Variants in CACNA1C observed in about 807,000 individuals in gnomAD.
The protein encoded by CACNA1C is voltage-dependent L-type calcium channel subunit alpha-1C.
In CACNA1C, 30 loss-of-function variants were observed where a neutral mutation model predicts 229.0. The observed-to-expected ratio is 0.13, with a 90% CI of 0.10 to 0.18. CACNA1C has a LOEUF of 0.18. Ranked by LOEUF, CACNA1C falls within the 10% of genes least tolerant of loss-of-function variation. The pLI, the probability that CACNA1C is intolerant of heterozygous loss-of-function variation, is 1.00. For synonymous variants in CACNA1C, 1,114 were observed against 1,132.5 expected, an observed-to-expected ratio of 0.98 and a Z score of 0.33; for missense variants, 1,658 against 2,845.0, an observed-to-expected ratio of 0.58 and a Z score of 9.49.
chr12:2,050,093 C>T (rs1565373764), upstream of CACNA1C, among the ~76,000 whole-genome samples: 1 of 152,192 alleles, frequency 6.6e-6, no homozygotes, highest in African/African-American at 2.4e-5. Flanking sequence ...AACACACATA[C>T]ACTCTGTTCC....
intron 9 of CACNA1C, among the ~76,000 whole-genome samples, chr12:2,523,148 C>T (rs1424383705): frequency 3.6e-5 from 3 of 82,764 alleles, no homozygotes; most frequent in African/African-American, 4.7e-5. Context: ...GGCGGGAGGG[C>T]GGGGGCGGTG....
rs1329500219 is a variant in CACNA1C at position 2,633,275 on chromosome 12, G to C, written c.3829-1022G>C. ...AGATGCTCAGCGTGGACTGAGAAGA[G>C]AGCATAGTAGCCACATCCTGCCGCC... On this transcript the variant is annotated intron_variant, in intron 29 of 46. Coordinates refer to ENST00000399655, the MANE Select transcript of CACNA1C (RefSeq NM_000719.7). This position sits in a 1 kb window ranked among gnomAD's most constrained non-coding sequence, Gnocchi z 5.8. Among the ~76,000 whole-genome samples the C allele has an allele frequency of 2.0e-5, 3 of 152,180 alleles. No individual in the cohort carries two copies. Among genetic ancestry groups the C allele is most frequent in the African/African-American group, 4.8e-5 (2 of 41,452 alleles).
chr12:2,650,456 G>A (rs1013664435), intron 31 of CACNA1C, among the ~76,000 whole-genome samples: 5 of 152,282 alleles, frequency 3.3e-5, no homozygotes, highest in Admixed American at 6.5e-5. Context: ...CCCACCTCGC[G>A]GGAGGTGTGG....
At position 2,346,206 on chromosome 12, in the gene CACNA1C, GTC is replaced by G. The variant is rs2097015338; in HGVS notation, c.478-102766_478-102765del. 1.3e-5 allele frequency among the ~76,000 whole-genome samples: 2 copies of G among 152,102 alleles called. No homozygotes were observed. The highest frequency in any genetic ancestry group is 4.1e-4 in the South Asian group (2 of 4,824). Reference sequence around the variant, plus strand: ...GAGGAAGGCAGAGGTGTGCGTGTGTGTCTCTGTGTGTGTCATCTCTGTGTGTG... The same window carrying G: ...GAGGAAGGCAGAGGTGTGCGTGTGTGTCTGTGTGTGTCATCTCTGTGTGTG... On this transcript the variant is annotated intron_variant, in intron 3 of 46. Coordinates refer to ENST00000399655, the MANE Select transcript of CACNA1C (RefSeq NM_000719.7). This position sits in a 1 kb window ranked among gnomAD's most constrained non-coding sequence, Gnocchi z 4.4.
chr12:2,617,554 C>T (rs769927272), intron 29 of CACNA1C, among the ~76,000 whole-genome samples: 23 of 152,230 alleles, frequency 1.5e-4, no homozygotes, highest in Non-Finnish European at 2.1e-4. Flanking sequence ...CATGTGGGGG[C>T]AGGGATCCTG....
At chr12:2,159,947 A>G (rs2095763429) in intron 3 of CACNA1C, among the ~76,000 whole-genome samples, 1 of 152,194 alleles carries the variant, frequency 6.6e-6, no homozygotes, top group South Asian at 2.1e-4. Flanking sequence ...TGTGTTGTCC[A>G]TTCATTTATT....
chr12:2,130,000 T>C (rs1457382801), intron 3 of CACNA1C, among the ~76,000 whole-genome samples: 1 of 152,010 alleles, frequency 6.6e-6, no homozygotes, highest in Non-Finnish European at 1.5e-5. Context: ...AACATTGATT[T>C]TGGCTTCTTA....
intron 3 of CACNA1C, among the ~76,000 whole-genome samples, chr12:2,333,337 G>T (rs750067537): frequency 2.0e-5 from 3 of 152,224 alleles, no homozygotes; most frequent in Non-Finnish European, 4.4e-5. Flanking sequence ...TTCCAGCCCT[G>T]CCTGGCCTCC....
intron 1 of CACNA1C, among the ~76,000 whole-genome samples, chr12:1,989,250 C>T (rs1439177929): frequency 2.6e-5 from 4 of 152,116 alleles, no homozygotes; most frequent in Admixed American, 6.5e-5. Context: ...CTGGATATGG[C>T]GGTTTAGCCC....
chr12:2,466,342 G>A (rs1444223777), intron 5 of CACNA1C, among the ~76,000 whole-genome samples: 1 of 152,218 alleles, frequency 6.6e-6, no homozygotes, highest in African/African-American at 2.4e-5. Context: ...TTGTGCAAGA[G>A]AGGAGGCTAG....
chr12:2,173,424 A>G (rs2096554511), intron 3 of CACNA1C, among the ~76,000 whole-genome samples: 1 of 152,206 alleles, frequency 6.6e-6, no homozygotes, highest in Non-Finnish European at 1.5e-5. Context: ...ACAATTTATC[A>G]TCCAAATTGG....
chr12:2,498,132 C>T (rs1490206010), intron 7 of CACNA1C, among the ~76,000 whole-genome samples: 1 of 152,208 alleles, frequency 6.6e-6, no homozygotes, highest in Non-Finnish European at 1.5e-5. Context: ...CACAAAGCCA[C>T]CTCCTTTCAC....
intron 3 of CACNA1C, among the ~76,000 whole-genome samples, chr12:2,130,337 T>C (rs2091899195): frequency 6.6e-6 from 1 of 150,472 alleles, no homozygotes; most frequent in East Asian, 2.0e-4. Flanking sequence ...GGTTTTAGGG[T>C]ACATGTGCAC....
At chr12:2,669,220 T>C (rs1417856725) in intron 38 of CACNA1C, among the ~76,000 whole-genome samples, 185 bp downstream of exon 38, 1 of 152,126 alleles carries the variant, frequency 6.6e-6, no homozygotes, top group Admixed American at 6.5e-5. Context: ...ACTTCTTTGC[T>C]CCTGAATGGT....
In CACNA1C at chr12:2,665,024, A is replaced by G. The variant is rs777190619; in HGVS notation, c.4398+34A>G. On this transcript the variant is annotated intron_variant, in intron 35 of 46. Coordinates refer to ENST00000399655, the MANE Select transcript of CACNA1C (RefSeq NM_000719.7). This position sits in a 1 kb window ranked among gnomAD's most constrained non-coding sequence, Gnocchi z 5.9. ...AGGGGGAACTCAACAGCCAGCAGCC[A>G]TGACTGCCCAGTTCCAGGGCAGTCT... The G allele has an allele frequency of 3.7e-6, 6 of 1,610,900 alleles. No individual in the cohort carries two copies. In the Middle Eastern group the frequency reaches 7.0e-4, roughly 188 times the overall value.
intron 3 of CACNA1C, among the ~76,000 whole-genome samples, chr12:2,336,740 C>T (rs563805903): frequency 2.6e-5 from 4 of 152,286 alleles, no homozygotes; most frequent in African/African-American, 9.6e-5. Flanking sequence ...CTACTTCCTC[C>T]TCTTTAGGGG....
intron 1 of CACNA1C, among the ~76,000 whole-genome samples, chr12:2,110,254 G>T (rs1353462906): frequency 6.6e-6 from 1 of 152,220 alleles, no homozygotes; most frequent in African/African-American, 2.4e-5. Flanking sequence ...CAGCACCTGG[G>T]TGCAGGAGGA....
rs201876309 is a variant in CACNA1C, at chr12:2,608,495, C to A, written c.3357-16C>A. ...GCTTCTCCAGTTCCCTCTGTGGGAC[C>A]TGTCTCCTCCTGCAGGCTGCTGTAC... is the stretch of plus-strand genomic sequence containing the variant. On this transcript the variant is annotated splice_polypyrimidine_tract_variant and intron_variant, in intron 26 of 46. Coordinates refer to ENST00000399655, the MANE Select transcript of CACNA1C (RefSeq NM_000719.7). This position sits in a 1 kb window ranked among gnomAD's most constrained non-coding sequence, Gnocchi z 4.2. The A allele has an allele frequency of 5.4e-5, 86 of 1,590,086 alleles. 1 individual carries two copies. In the Middle Eastern group the frequency reaches 8.4e-4, roughly 15 times the overall value.
chr12:2,173,623 G>A (rs767833704), intron 3 of CACNA1C, among the ~76,000 whole-genome samples: 1 of 152,006 alleles, frequency 6.6e-6, no homozygotes, highest in African/African-American at 2.4e-5. Flanking sequence ...ATCTTCTGCT[G>A]GGAGCGGGAC....
Sources: allele counts gnomAD v4.1 joint callset (sites outside exome capture counted in the v4.1 genomes callset), GRCh38; gene constraint gnomAD v4.1.1; non-coding constraint Gnocchi (gnomAD v3.1); transcripts MANE v1.5; gene names NCBI Gene and HGNC (gene_info 2026-07-23, HGNC 2026-07-21).